The following FCHSD2 variants were observed in gnomAD, a reference collection of about 807,000 sequenced individuals.
FCHSD2 encodes FCH and double SH3 domains 2, also known as F-BAR and double SH3 domains protein 2.
Under a neutral mutation model 108.1 loss-of-function variants are expected in FCHSD2, and 38 were observed. That is an observed-to-expected ratio of 0.35 (90% CI 0.27 to 0.46). The LOEUF (loss-of-function observed/expected upper bound fraction) is 0.46, where lower values mean the gene tolerates loss of function less well. Among genes scored for constraint, FCHSD2 ranks in the 20% least tolerant of loss-of-function variants. The pLI is 1.00. For synonymous variants in FCHSD2, 279 were observed against 314.7 expected (o/e 0.89, Z 1.20); for missense variants, 751 against 897.8 (o/e 0.84, Z 2.09).
At chr11:72,986,020 TG>T (rs1235705989) in intron 6 of FCHSD2, among the ~76,000 whole-genome samples, 1 of 152,134 alleles carries the variant, frequency 6.6e-6, no homozygotes. Context: ...GACTGGATGA[TG>T]GAGCAGTTAG....
chr11:72,939,035 C>T (rs964745444), intron 8 of FCHSD2, among the ~76,000 whole-genome samples: 2 of 152,060 alleles, frequency 1.3e-5, no homozygotes, highest in African/African-American at 2.4e-5. Flanking sequence ...AATTTTAATA[C>T]AGTAGCCAAA....
chr11:73,083,324 A>G (rs1859739492), intron 3 of FCHSD2, among the ~76,000 whole-genome samples: 1 of 152,090 alleles, frequency 6.6e-6, no homozygotes, highest in Non-Finnish European at 1.5e-5. Flanking sequence ...GCCAAGGCGG[A>G]CGGATCATAA....
chr11:72,916,768 T>C (rs1168087538), intron 9 of FCHSD2, among the ~76,000 whole-genome samples: 2 of 152,242 alleles, frequency 1.3e-5, no homozygotes. Flanking sequence ...TGTCCTTTGA[T>C]GCACAAAAGC....
intron 3 of FCHSD2, among the ~76,000 whole-genome samples, chr11:73,035,566 A>T (rs971333077): frequency 1.3e-5 from 2 of 152,152 alleles, no homozygotes; most frequent in African/African-American, 4.8e-5. Context: ...GTGTTTATAA[A>T]GCACTTGGCC....
chr11:73,083,601 T>G, intron 3 of FCHSD2, 94 bp downstream of exon 3: 1 of 687,102 alleles, frequency 1.5e-6, no homozygotes, highest in Non-Finnish European at 2.5e-6. Flanking sequence ...AAGGAAGGCA[T>G]AGGGATAATA....
intron 3 of FCHSD2, among the ~76,000 whole-genome samples, chr11:73,030,316 C>T (rs1464449917): frequency 6.6e-6 from 1 of 152,002 alleles, no homozygotes; most frequent in Non-Finnish European, 1.5e-5. Context: ...GAGAAAGTTC[C>T]TGTCTTGTTC....
At chr11:72,929,340 T>C (rs566827853) in intron 8 of FCHSD2, among the ~76,000 whole-genome samples, 1 of 152,176 alleles carries the variant, frequency 6.6e-6, no homozygotes, top group Non-Finnish European at 1.5e-5. Context: ...TTTTCAGCTA[T>C]CCAACACCCA....
chr11:73,138,902 A>G (rs1317403443), intron 2 of FCHSD2, among the ~76,000 whole-genome samples: 1 of 152,184 alleles, frequency 6.6e-6, no homozygotes, highest in Non-Finnish European at 1.5e-5. Flanking sequence ...GTGACTGCGC[A>G]CGGCCTCGCA....
chr11:72,986,847 T>A (rs889999061), intron 6 of FCHSD2, among the ~76,000 whole-genome samples: 1 of 152,176 alleles, frequency 6.6e-6, no homozygotes. Flanking sequence ...ACCCAAACAC[T>A]ACACAAATAA....
At chr11:72,952,576 C>T (rs963562303) in intron 8 of FCHSD2, among the ~76,000 whole-genome samples, 3 of 152,070 alleles carry the variant, frequency 2.0e-5, no homozygotes, top group East Asian at 3.9e-4. Flanking sequence ...CTACCGGCCT[C>T]GGCCTCTCAA....
chr11:72,931,489 AGGCATGGT>A (rs1363872408), intron 8 of FCHSD2, among the ~76,000 whole-genome samples: 2 of 151,254 alleles, frequency 1.3e-5, no homozygotes, highest in Non-Finnish European at 3.0e-5. Context: ...TCTTCTGGCC[AGGCATGGT>A]GGCTCACGCC....
chr11:73,035,370 T>C (rs1340684776), intron 3 of FCHSD2, among the ~76,000 whole-genome samples: 1 of 152,070 alleles, frequency 6.6e-6, no homozygotes, highest in African/African-American at 2.4e-5. Flanking sequence ...GGTCTCATCA[T>C]GTTGCCCGGC....
intron 3 of FCHSD2, among the ~76,000 whole-genome samples, chr11:73,051,748 T>A (rs572748689): frequency 3.9e-5 from 6 of 152,132 alleles, no homozygotes; most frequent in African/African-American, 1.4e-4. Flanking sequence ...CAAAAAAAAT[T>A]TGAAATAAAT....
chr11:73,035,193 T>C (rs1591500262), intron 3 of FCHSD2, among the ~76,000 whole-genome samples: 1 of 144,146 alleles, frequency 6.9e-6, no homozygotes, highest in African/African-American at 2.6e-5. Flanking sequence ...TATGTATGTA[T>C]GTATGTATGT....
chr11:72,846,183 T>C (rs1861136999), intron 14 of FCHSD2, among the ~76,000 whole-genome samples: 1 of 146,290 alleles, frequency 6.8e-6, no homozygotes, highest in African/African-American at 2.5e-5. Flanking sequence ...CTTTTGCTCT[T>C]TTTTTTTTTT....
chr11:73,000,116 C>T (rs1857598076), intron 5 of FCHSD2, among the ~76,000 whole-genome samples: 1 of 152,110 alleles, frequency 6.6e-6, no homozygotes, highest in Non-Finnish European at 1.5e-5. Flanking sequence ...CTACTAGAAT[C>T]ATCTTTGGCA....
intron 2 of FCHSD2, among the ~76,000 whole-genome samples, chr11:73,093,973 G>A (rs994596024): frequency 6.6e-6 from 1 of 152,064 alleles, no homozygotes; most frequent in Admixed American, 6.5e-5. Flanking sequence ...TACTTTGGAA[G>A]GCCGAGTCAG....
chr11:72,923,477 A>AT (rs957331665), intron 8 of FCHSD2, among the ~76,000 whole-genome samples: 26 of 149,852 alleles, frequency 1.7e-4, no homozygotes, highest in Middle Eastern at 3.5e-3. Flanking sequence ...GTATTTTGGT[A>AT]TTTTTTTTTT....
chr11:72,951,079 C>T (rs1470901154), intron 8 of FCHSD2, among the ~76,000 whole-genome samples: 2 of 152,210 alleles, frequency 1.3e-5, no homozygotes, highest in African/African-American at 4.8e-5. Flanking sequence ...TGATGGACTA[C>T]CCTGCTATCT....
Sources: allele counts gnomAD v4.1 joint callset (sites outside exome capture counted in the v4.1 genomes callset), GRCh38; gene constraint gnomAD v4.1.1; transcripts MANE v1.5; gene names NCBI Gene and HGNC (gene_info 2026-07-23, HGNC 2026-07-21).